GPR158: variants seen among roughly 807,000 people sequenced by gnomAD.
The protein encoded by GPR158 is G protein-coupled receptor 158.
Under a neutral mutation model 78.2 loss-of-function variants are expected in GPR158, and 30 were observed. The observed-to-expected ratio is 0.38, with a 90% CI of 0.29 to 0.52. The LOEUF (loss-of-function observed/expected upper bound fraction) is 0.52. GPR158 is among the 20% of genes least tolerant of loss of function. The pLI, the probability that GPR158 is intolerant of heterozygous loss-of-function variation, is 0.83. For synonymous variants in GPR158, 581 were observed against 591.1 expected, an observed-to-expected ratio of 0.98 and a Z score of 0.25; for missense variants, 1,463 against 1,523.5, an observed-to-expected ratio of 0.96 and a Z score of 0.66.
intron 2 of GPR158, among the ~76,000 whole-genome samples, chr10:25,229,182 T>A (rs1055068375): frequency 6.6e-6 from 1 of 152,170 alleles, no homozygotes; most frequent in Non-Finnish European, 1.5e-5. Flanking sequence ...AGAACTTGTA[T>A]GGAGCTGGGA....
intron 3 of GPR158, among the ~76,000 whole-genome samples, chr10:25,406,442 CCTT>C (rs1834516797): frequency 6.6e-6 from 1 of 152,028 alleles, no homozygotes; most frequent in Non-Finnish European, 1.5e-5. Flanking sequence ...TATCTGATCT[CCTT>C]CTATCACTCT....
intron 2 of GPR158, among the ~76,000 whole-genome samples, chr10:25,241,223 T>TTCTTTCCTTTCTTTCC (rs1372596936): frequency 2.4e-4 from 23 of 95,378 alleles, no homozygotes; most frequent in East Asian, 1.1e-3. Context: ...TTTCTTTCCT[T>TTCTTTCCTTTCTTTCC]TTTCTTTCCT....
At chr10:25,581,600 A>G (rs1837200028) in intron 7 of GPR158, among the ~76,000 whole-genome samples, 1 of 152,214 alleles carries the variant, frequency 6.6e-6, no homozygotes. Flanking sequence ...AGTTTCCACA[A>G]AGGCAGAATG....
chr10:25,444,608 TGTGTGG>T (rs1835115635), intron 4 of GPR158, among the ~76,000 whole-genome samples: 1 of 150,916 alleles, frequency 6.6e-6, no homozygotes, highest in Non-Finnish European at 1.5e-5. Context: ...ATGTGTGGGG[TGTGTGG>T]GTGTGGTATA....
Position 25,176,436 on chromosome 10 carries a change from C to T in GPR158, c.902+114C>T. ...TTGGCTGTGACGCGAACGCTTCTCA[C>T]CCTCAGAGTAGAGACCCGGGCTGAG... On this transcript the variant is annotated intron_variant, in intron 1 of 10. Coordinates refer to ENST00000376351, the MANE Select transcript of GPR158 (RefSeq NM_020752.3). This position sits in a 1 kb window ranked among gnomAD's most constrained non-coding sequence, Gnocchi z 6.3. 1 of 884,442 alleles carries T rather than the reference C, an allele frequency of 1.1e-6. No individual in the cohort carries two copies. The highest frequency in any genetic ancestry group is 3.0e-5 in the Admixed American group (1 of 33,804). The allele number at this position is 884,442 out of a possible 1,614,324, so 54.8% of individuals were successfully genotyped here.
intron 1 of GPR158, among the ~76,000 whole-genome samples, chr10:25,217,629 G>T (rs1853236041): frequency 6.6e-6 from 1 of 152,192 alleles, no homozygotes; most frequent in African/African-American, 2.4e-5. Flanking sequence ...GCATATGGAA[G>T]AGAAGAGTCA....
At chr10:25,581,090 A>AAT (rs950303555) in intron 7 of GPR158, among the ~76,000 whole-genome samples, 1 of 148,282 alleles carries the variant, frequency 6.7e-6, no homozygotes, top group Admixed American at 6.7e-5. Context: ...GCGCCCGGCT[A>AAT]ATTTTTTTTT....
At chr10:25,259,399 C>T (rs1438978395) in intron 2 of GPR158, among the ~76,000 whole-genome samples, 3 of 152,114 alleles carry the variant, frequency 2.0e-5, no homozygotes, top group African/African-American at 7.2e-5. Flanking sequence ...ATGTTCAGTG[C>T]CTGCTCTTTT....
intron 7 of GPR158, among the ~76,000 whole-genome samples, chr10:25,573,464 A>G (rs1486800442): frequency 6.6e-6 from 1 of 152,266 alleles, no homozygotes; most frequent in Non-Finnish European, 1.5e-5. Context: ...AGTAAGTGCT[A>G]CGTGGCTGAG....
In GPR158 at chr10:25,175,357, A is replaced by T; in HGVS notation, c.-64A>T. On this transcript the variant is annotated 5_prime_UTR_variant, in exon 1 of 11. Coordinates refer to ENST00000376351, the MANE Select transcript of GPR158 (RefSeq NM_020752.3). The surrounding 1 kb of genome is among the most constrained non-coding windows in gnomAD (Gnocchi z 6.4). ...AAAAAGTCTGACTGTTGAGAAACTG[A>T]CGATCCAAATTTAAAAAGTGATTCC... 9.9e-7 allele frequency: 1 copy of T among 1,007,426 alleles called. No homozygotes were observed. Among genetic ancestry groups the T allele is most frequent in the Non-Finnish European group, 1.5e-6 (1 of 673,736 alleles). The allele number at this position is 1,007,426 out of a possible 1,614,324, so 62.4% of individuals were successfully genotyped here.
At chr10:25,487,658 A>G (rs1468038554) in intron 5 of GPR158, among the ~76,000 whole-genome samples, 1 of 152,184 alleles carries the variant, frequency 6.6e-6, no homozygotes, top group Non-Finnish European at 1.5e-5. Context: ...TAATGAAAGT[A>G]TCCTGGGAGA....
At chr10:25,385,335 T>A (rs1564440805) in intron 2 of GPR158, among the ~76,000 whole-genome samples, 1 of 150,986 alleles carries the variant, frequency 6.6e-6, no homozygotes, top group Non-Finnish European at 1.5e-5. Flanking sequence ...TCCATTATTT[T>A]TATATATCAC....
At chr10:25,481,100 T>G (rs1835659036) in intron 5 of GPR158, among the ~76,000 whole-genome samples, 1 of 152,098 alleles carries the variant, frequency 6.6e-6, no homozygotes, top group South Asian at 2.1e-4. Flanking sequence ...TCATGAGTGA[T>G]TAGGGGTACA....
chr10:25,596,487 C>G (rs1837408438), intron 9 of GPR158, among the ~76,000 whole-genome samples, 156 bp from the exon 10 acceptor site: 1 of 152,014 alleles, frequency 6.6e-6, no homozygotes, highest in African/African-American at 2.4e-5. Flanking sequence ...GTCTGTGTCT[C>G]TCTCTCTCTA....
At chr10:25,301,574 G>C (rs575785073) in intron 2 of GPR158, among the ~76,000 whole-genome samples, 1 of 152,038 alleles carries the variant, frequency 6.6e-6, no homozygotes, top group South Asian at 2.1e-4. Flanking sequence ...TGTGTGTTGG[G>C]ATTGTGAGGA....
chr10:25,270,099 G>A (rs976732387), intron 2 of GPR158, among the ~76,000 whole-genome samples: 1 of 152,168 alleles, frequency 6.6e-6, no homozygotes, highest in Admixed American at 6.6e-5. Context: ...TGTAGACCTT[G>A]AGGACACACA....
At chr10:25,247,275 A>G (rs1005980896) in intron 2 of GPR158, among the ~76,000 whole-genome samples, 1 of 148,272 alleles carries the variant, frequency 6.7e-6, no homozygotes, top group Non-Finnish European at 1.5e-5. Context: ...TTCTTCAACA[A>G]CCTATCATGG....
chr10:25,180,482 A>G (rs1481272754), intron 1 of GPR158, among the ~76,000 whole-genome samples: 1 of 152,194 alleles, frequency 6.6e-6, no homozygotes, highest in South Asian at 2.1e-4. Context: ...TTAAAAATGT[A>G]TAAGATGATA....
At chr10:25,192,744 C>A (rs1852789686) in intron 1 of GPR158, among the ~76,000 whole-genome samples, 1 of 150,272 alleles carries the variant, frequency 6.7e-6, no homozygotes, top group Non-Finnish European at 1.5e-5. Flanking sequence ...CGCACATGTA[C>A]CCTAAAACTT....
Sources: gnomAD v4.1 joint callset for allele counts (sites outside exome capture counted in the v4.1 genomes callset) on GRCh38, gnomAD v4.1.1 for gene constraint, Gnocchi (gnomAD v3.1) non-coding constraint, MANE v1.5 for transcripts, NCBI Gene and HGNC (gene_info 2026-07-23, HGNC 2026-07-21) for gene names.